Variants in FAM13C observed in about 807,000 individuals in gnomAD.
FAM13C encodes family with sequence similarity 13 member C, also known as protein FAM13C.
FAM13C carries 37 observed loss-of-function variants against 73.2 expected under a neutral mutation model. The ratio of observed to expected loss-of-function variants is 0.51; its 90% CI spans 0.39 to 0.67. The LOEUF (loss-of-function observed/expected upper bound fraction) is 0.67, where lower values mean the gene tolerates loss of function less well. Ranked by LOEUF, FAM13C falls within the 30% of genes least tolerant of loss-of-function variation. FAM13C has a pLI of 0.00. For missense variants in FAM13C, 589 were observed against 715.6 expected (o/e 0.82, Z 2.02); for synonymous variants, 246 against 260.9 (o/e 0.94, Z 0.55).
chr10:59,311,287 G>A (rs767737119), intron 4 of FAM13C, among the ~76,000 whole-genome samples: 3 of 152,118 alleles, frequency 2.0e-5, no homozygotes, highest in Non-Finnish European at 4.4e-5. Flanking sequence ...ACATGGGTGT[G>A]GTTTAAAAGA....
intron 5 of FAM13C, among the ~76,000 whole-genome samples, chr10:59,291,951 G>A (rs1480743039): frequency 1.3e-5 from 2 of 151,766 alleles, no homozygotes; most frequent in Admixed American, 1.3e-4. Context: ...ATCACGCCTG[G>A]CGAATTTTTT....
chr10:59,338,859 G>T (rs1853109742), intron 3 of FAM13C, among the ~76,000 whole-genome samples: 2 of 152,178 alleles, frequency 1.3e-5, no homozygotes, highest in African/African-American at 4.8e-5. Flanking sequence ...ACTTCAGGAA[G>T]CCCCTTCTTG....
chr10:59,246,600 T>C lies in FAM13C; in HGVS notation c.*1014A>G, dbSNP rs555391542. ...TTTCGTATAAAATAACACAAAATGA[T>C]ATACACTGAAGTTGATGAAGCAAAT... On this transcript the variant is annotated 3_prime_UTR_variant, in exon 14 of 14. Coordinates refer to ENST00000618804, the MANE Select transcript of FAM13C (RefSeq NM_198215.4). The C allele has an allele frequency of 2.5e-6, 1 of 397,506 alleles. No homozygotes were observed. Among genetic ancestry groups the C allele is most frequent in the Non-Finnish European group, 4.4e-6 (1 of 225,108 alleles). 24.6% of individuals were successfully genotyped at this position (397,506 alleles called of 1,614,324 possible). A position where few individuals can be genotyped will look rare whatever the true frequency, so the allele number is the denominator to read the frequency against.
At chr10:59,249,611 C>T (rs966637568) in intron 13 of FAM13C, among the ~76,000 whole-genome samples, 1 of 152,042 alleles carries the variant, frequency 6.6e-6, no homozygotes, top group African/African-American at 2.4e-5. Context: ...TTTATAGTGC[C>T]TTAAACATTT....
Position 59,323,980 on chromosome 10 carries a change from G to A in FAM13C, c.443+8C>T, listed in dbSNP as rs769785373. 2 of 1,610,134 alleles carry A rather than the reference G, an allele frequency of 1.2e-6. No individual in the cohort carries two copies. Among genetic ancestry groups the A allele is most frequent in the Non-Finnish European group, 1.7e-6 (2 of 1,176,378 alleles). On this transcript the variant is annotated splice_region_variant and intron_variant, in intron 4 of 13. Transcript: ENST00000618804. Reference sequence around the variant, plus strand: ...GCACAGAATAGCTTCTGATAACAAAGGGCCCACCTTGGTTGAAGTCGCACT... The same window carrying A: ...GCACAGAATAGCTTCTGATAACAAAAGGCCCACCTTGGTTGAAGTCGCACT...
intron 4 of FAM13C, among the ~76,000 whole-genome samples, chr10:59,315,698 A>G (rs1302382267): frequency 6.6e-6 from 1 of 152,202 alleles, no homozygotes; most frequent in African/African-American, 2.4e-5. Context: ...CCTTAGCACA[A>G]TGTGAACTAG....
At chr10:59,273,946 G>A (rs1203446940) in intron 6 of FAM13C, among the ~76,000 whole-genome samples, 2 of 152,144 alleles carry the variant, frequency 1.3e-5, no homozygotes, top group African/African-American at 4.8e-5. Flanking sequence ...CTTGAGATGG[G>A]GTGCTGAGAT....
At chr10:59,293,069 C>CTTTTTTTTTTTTTT (rs148715812) in intron 5 of FAM13C, among the ~76,000 whole-genome samples, 9 of 109,538 alleles carry the variant, frequency 8.2e-5, no homozygotes, top group African/African-American at 2.0e-4. Context: ...TTTTCTTTTT[C>CTTTTTTTTTTTTTT]TTTTTTTTTT....
At chr10:59,340,493 C>A (rs892801608) in intron 3 of FAM13C, among the ~76,000 whole-genome samples, 1 of 152,116 alleles carries the variant, frequency 6.6e-6, no homozygotes, top group Non-Finnish European at 1.5e-5. Flanking sequence ...TCCTGCCTGG[C>A]ACTTGGCCCA....
intron 3 of FAM13C, among the ~76,000 whole-genome samples, chr10:59,345,703 C>T (rs747994533): frequency 3.9e-5 from 6 of 152,144 alleles, no homozygotes; most frequent in Admixed American, 6.5e-5. Context: ...TTTCTCAGAG[C>T]CCTGTCCCCC....
chr10:59,271,506 T>C (rs1843714333), intron 6 of FAM13C, among the ~76,000 whole-genome samples: 1 of 152,120 alleles, frequency 6.6e-6, no homozygotes, highest in South Asian at 2.1e-4. Flanking sequence ...GAAATGGATG[T>C]GATGACAAAA....
At chr10:59,274,084 A>G (rs773185373) in intron 6 of FAM13C, among the ~76,000 whole-genome samples, 4 of 152,148 alleles carry the variant, frequency 2.6e-5, no homozygotes, top group Non-Finnish European at 4.4e-5. Context: ...AGCCAAAAGC[A>G]TGTCTGTGAT....
rs954941052 is a variant in FAM13C at position 59,247,507 on chromosome 10, A to G, written c.*107T>C. On this transcript the variant is annotated 3_prime_UTR_variant, in exon 14 of 14. Coordinates refer to ENST00000618804, the MANE Select transcript of FAM13C (RefSeq NM_198215.4). Reference sequence around the variant, plus strand: ...CTTAAAAACAGCTAATACTACCACTAAAGTGCTTCCATTTTCATTGTGTCA... The same window carrying G: ...CTTAAAAACAGCTAATACTACCACTGAAGTGCTTCCATTTTCATTGTGTCA... The G allele has an allele frequency of 9.3e-6, 13 of 1,397,820 alleles. No individual in the cohort carries two copies. In the African/African-American group the frequency reaches 1.9e-4, roughly 20 times the overall value. 86.6% of individuals were successfully genotyped at this position (1,397,820 alleles called of 1,614,324 possible). A position where few individuals can be genotyped will look rare whatever the true frequency, so the allele number is the denominator to read the frequency against.
chr10:59,355,183 T>TAG (rs953594830), intron 2 of FAM13C, among the ~76,000 whole-genome samples: 2 of 152,102 alleles, frequency 1.3e-5, no homozygotes, highest in Non-Finnish European at 2.9e-5. Context: ...CTAGCCTATC[T>TAG]CCTCTAGCAA....
At chr10:59,275,779 ATC>A (rs1366113707) in intron 6 of FAM13C, among the ~76,000 whole-genome samples, 2 of 152,178 alleles carry the variant, frequency 1.3e-5, no homozygotes, top group African/African-American at 4.8e-5. Flanking sequence ...CTCATTTGTA[ATC>A]AGTTTAAGAC....
At chr10:59,360,491 T>C (rs1856260625) in intron 1 of FAM13C, among the ~76,000 whole-genome samples, 1 of 152,094 alleles carries the variant, frequency 6.6e-6, no homozygotes, top group South Asian at 2.1e-4. Context: ...GAACCTGCTA[T>C]GTCTGTGTCT....
chr10:59,260,250 G>A (rs1842367088), intron 10 of FAM13C, among the ~76,000 whole-genome samples: 1 of 152,012 alleles, frequency 6.6e-6, no homozygotes, highest in Admixed American at 6.6e-5. Context: ...CCTCCACTTA[G>A]CAATCAGACG....
intron 1 of FAM13C, chr10:59,361,078 A>G (rs1309285526): frequency 1.6e-6 from 2 of 1,289,272 alleles, no homozygotes; most frequent in Admixed American, 4.6e-5. Flanking sequence ...GCAGATGCAC[A>G]CTTTGGCACA....
At chr10:59,255,195 A>G (rs1029172783) in intron 10 of FAM13C, among the ~76,000 whole-genome samples, 8 of 152,184 alleles carry the variant, frequency 5.3e-5, no homozygotes, top group Non-Finnish European at 7.3e-5. Flanking sequence ...ACAGGCTGTG[A>G]TATCAACTAA....
Sources: gnomAD v4.1 joint callset for allele counts (sites outside exome capture counted in the v4.1 genomes callset) on GRCh38, gnomAD v4.1.1 for gene constraint, MANE v1.5 for transcripts, NCBI Gene and HGNC (gene_info 2026-07-23, HGNC 2026-07-21) for gene names.